The following OPCML variants were observed in gnomAD, a reference collection of about 807,000 sequenced individuals.
OPCML encodes opioid-binding protein/cell adhesion molecule.
In OPCML, 13 loss-of-function variants were observed where a neutral mutation model predicts 37.8. The observed-to-expected ratio is 0.34, with a 90% CI of 0.22 to 0.55. OPCML has a LOEUF of 0.55. Ranked by LOEUF, OPCML falls within the 20% of genes least tolerant of loss-of-function variation. The probability of loss-of-function intolerance (pLI) is 0.91; values close to 1 mark genes in which losing one functional copy is unlikely to be tolerated. For missense variants in OPCML, 341 were observed against 435.6 expected (o/e 0.78, Z 1.93); for synonymous variants, 176 against 168.8 (o/e 1.04, Z -0.33).
intron 1 of OPCML, among the ~76,000 whole-genome samples, chr11:133,345,210 CA>C (rs1187030937): frequency 1.3e-5 from 2 of 152,024 alleles, no homozygotes; most frequent in Non-Finnish European, 2.9e-5. Flanking sequence ...TTTCTTGATA[CA>C]AAAAAATCTC....
intron 1 of OPCML, among the ~76,000 whole-genome samples, chr11:133,529,934 C>G (rs1444806824): frequency 6.6e-6 from 1 of 152,202 alleles, no homozygotes; most frequent in Non-Finnish European, 1.5e-5. Flanking sequence ...TTCACCGACA[C>G]CTTCTAAGGC....
chr11:133,202,215 C>T (rs1367210909), intron 1 of OPCML, among the ~76,000 whole-genome samples: 2 of 152,158 alleles, frequency 1.3e-5, no homozygotes, highest in African/African-American at 4.8e-5. Flanking sequence ...ATTCCACCTC[C>T]GGCTGAAGCC....
intron 2 of OPCML, among the ~76,000 whole-genome samples, chr11:132,891,306 C>T (rs1943639481): frequency 6.6e-6 from 1 of 152,170 alleles, no homozygotes. Flanking sequence ...CAAGCTCATC[C>T]ATCTGGTCAG....
chr11:133,105,403 A>AG (rs1342737767), intron 1 of OPCML, among the ~76,000 whole-genome samples: 1 of 152,210 alleles, frequency 6.6e-6, no homozygotes. Context: ...AATGAAGAAA[A>AG]GGTATAGGTT....
intron 1 of OPCML, chr11:133,422,359 T>A (rs1004666185): frequency 1.6e-5 from 15 of 938,712 alleles, no homozygotes; most frequent in Non-Finnish European, 1.7e-5. Flanking sequence ...GGCCATTTTT[T>A]CTCTCAGACC....
chr11:132,878,713 G>GTCTATCTA (rs56069800), intron 2 of OPCML, among the ~76,000 whole-genome samples: 4 of 151,662 alleles, frequency 2.6e-5, no homozygotes, highest in South Asian at 4.2e-4. Flanking sequence ...GTGTCTATCT[G>GTCTATCTA]TCTATCTATC....
chr11:132,873,705 C>T (rs1591736334), intron 2 of OPCML, among the ~76,000 whole-genome samples: 2 of 114,780 alleles, frequency 1.7e-5, no homozygotes, highest in Admixed American at 9.7e-5. Flanking sequence ...CTGGGCTGAG[C>T]AGTTGGGCAC....
intron 2 of OPCML, among the ~76,000 whole-genome samples, chr11:132,916,349 A>C (rs953439965): frequency 2.0e-5 from 3 of 152,072 alleles, no homozygotes; most frequent in Admixed American, 6.6e-5. Flanking sequence ...CTGGGGTTCC[A>C]TGGCCTAGTC....
intron 2 of OPCML, among the ~76,000 whole-genome samples, chr11:132,681,589 C>T (rs1942944337): frequency 1.3e-5 from 2 of 152,166 alleles, no homozygotes; most frequent in African/African-American, 4.8e-5. Flanking sequence ...CCGCTTTCAC[C>T]ACCCTTCAGT....
chr11:132,736,020 T>A (rs1945244424), intron 2 of OPCML, among the ~76,000 whole-genome samples: 1 of 152,216 alleles, frequency 6.6e-6, no homozygotes, highest in East Asian at 1.9e-4. Flanking sequence ...CCAGGCCTTG[T>A]GTCTGAATCA....
intron 1 of OPCML, among the ~76,000 whole-genome samples, chr11:132,978,864 T>C (rs565110836): frequency 2.6e-5 from 4 of 152,274 alleles, no homozygotes; most frequent in African/African-American, 9.6e-5. Context: ...AATTCCAGAA[T>C]TGAATATTCA....
chr11:132,650,593 T>C (rs1411013873), intron 3 of OPCML, among the ~76,000 whole-genome samples: 5 of 151,388 alleles, frequency 3.3e-5, no homozygotes, highest in African/African-American at 4.9e-5. Flanking sequence ...CACACACACA[T>C]ACACACACAA....
intron 1 of OPCML, among the ~76,000 whole-genome samples, chr11:133,485,373 AT>A (rs35257293): frequency 6.6e-6 from 1 of 152,166 alleles, no homozygotes; most frequent in African/African-American, 2.4e-5. Flanking sequence ...TTATGGAGGA[AT>A]TTTTTTAATG....
At chr11:132,948,417 C>T (rs1051720212) in intron 1 of OPCML, among the ~76,000 whole-genome samples, 14 of 152,162 alleles carry the variant, frequency 9.2e-5, no homozygotes, top group African/African-American at 2.7e-4. Context: ...CTCTGTGTTA[C>T]GGCAGTGGGG....
intron 2 of OPCML, among the ~76,000 whole-genome samples, chr11:132,789,423 A>G (rs536402244): frequency 2.3e-4 from 35 of 152,358 alleles, no homozygotes; most frequent in African/African-American, 8.2e-4. Flanking sequence ...GAAAGGTGAT[A>G]GATGCTTAGA....
chr11:132,557,994 C>T (rs1367977313), intron 3 of OPCML, among the ~76,000 whole-genome samples: 1 of 148,358 alleles, frequency 6.7e-6, no homozygotes, highest in Non-Finnish European at 1.5e-5. Context: ...GACACACATG[C>T]TCACACATAC....
chr11:132,471,101 A>G (rs1047182705), intron 4 of OPCML, among the ~76,000 whole-genome samples: 3 of 152,204 alleles, frequency 2.0e-5, no homozygotes, highest in African/African-American at 7.2e-5. Context: ...AGCATCAAAA[A>G]ATGATCGATG....
chr11:133,107,229 A>C (rs530519671), intron 1 of OPCML, among the ~76,000 whole-genome samples: 2 of 152,308 alleles, frequency 1.3e-5, no homozygotes, highest in South Asian at 4.1e-4. Flanking sequence ...GAGGTATAGA[A>C]GTAGATTATT....
At position 132,415,354 on chromosome 11, in the gene OPCML, C is replaced by G. The variant is rs2095935039; in HGVS notation, c.*4839G>C. 1 of 152,320 alleles carries G rather than the reference C, an allele frequency of 6.6e-6. No homozygotes were observed. The highest frequency in any genetic ancestry group is 6.5e-5 in the Admixed American group (1 of 15,274). 9.4% of individuals were successfully genotyped at this position (152,320 alleles called of 1,614,324 possible). A position where few individuals can be genotyped will look rare whatever the true frequency, so the allele number is the denominator to read the frequency against. On this transcript the variant is annotated 3_prime_UTR_variant, in exon 8 of 8. Coordinates refer to ENST00000524381, the MANE Select transcript of OPCML (RefSeq NM_001012393.5). ...AATTTTTTTTTAAATCTAAAGGACTCTGAACTTGACAGACACATTTTCGTT... is the reference window on the plus strand; with the variant it reads ...AATTTTTTTTTAAATCTAAAGGACTGTGAACTTGACAGACACATTTTCGTT...
Sources: gnomAD v4.1 joint callset for allele counts (sites outside exome capture counted in the v4.1 genomes callset) on GRCh38, gnomAD v4.1.1 for gene constraint, MANE v1.5 for transcripts, NCBI Gene and HGNC (gene_info 2026-07-23, HGNC 2026-07-21) for gene names.